GPC6: variants seen among roughly 807,000 people sequenced by gnomAD.
GPC6 encodes the protein glypican 6, also known as glypican-6.
GPC6 carries 14 observed loss-of-function variants against 55.2 expected under a neutral mutation model. The ratio of observed to expected loss-of-function variants is 0.25; its 90% CI spans 0.17 to 0.40. GPC6 has a LOEUF of 0.40. Among genes scored for constraint, GPC6 ranks in the 10% least tolerant of loss-of-function variants. GPC6 has a pLI of 1.00. For synonymous variants in GPC6, 278 were observed against 259.6 expected (o/e 1.07, Z -0.68); for missense variants, 641 against 708.5 (o/e 0.90, Z 1.08).
At chr13:94,104,537 T>C (rs1885983250) in intron 4 of GPC6, among the ~76,000 whole-genome samples, 1 of 152,196 alleles carries the variant, frequency 6.6e-6, no homozygotes, top group African/African-American at 2.4e-5. Context: ...TTGTCCCTGT[T>C]TGCAGATGAC....
In GPC6 at chr13:94,371,329, A is replaced by G. The variant is rs370291613; in HGVS notation, c.1153-11085A>G. ...TTGAATCTCTTGCACACCCCCAGAG[A>G]TGCACACACACTCCTGTCACCAACC... On this transcript the variant is annotated intron_variant, in intron 6 of 8. Coordinates refer to ENST00000377047, the MANE Select transcript of GPC6 (RefSeq NM_005708.5). Among the ~76,000 whole-genome samples, 5 of 152,292 alleles carry G rather than the reference A, an allele frequency of 3.3e-5. No homozygotes were observed. The East Asian group carries it at 9.6e-4, about 29-fold the overall frequency.
chr13:93,520,619 T>G (rs116558452), intron 1 of GPC6, among the ~76,000 whole-genome samples: 2,012 of 152,056 alleles, frequency 0.013, 41 homozygotes, highest in African/African-American at 0.04. Flanking sequence ...ATAATTAACA[T>G]GTAAAGATTC....
intron 1 of GPC6, among the ~76,000 whole-genome samples, chr13:93,500,212 A>T (rs1880470018): frequency 6.6e-6 from 1 of 152,206 alleles, no homozygotes; most frequent in Non-Finnish European, 1.5e-5. Flanking sequence ...TGGAAACAGG[A>T]AATCTTAAGT....
At chr13:93,338,902 G>T (rs143429207) in intron 1 of GPC6, among the ~76,000 whole-genome samples, 1 of 152,110 alleles carries the variant, frequency 6.6e-6, no homozygotes, top group African/African-American at 2.4e-5. Flanking sequence ...ATGTGGAGGT[G>T]GTGTTGACAG....
At chr13:94,071,224 T>C (rs1315715981) in intron 4 of GPC6, among the ~76,000 whole-genome samples, 1 of 152,204 alleles carries the variant, frequency 6.6e-6, no homozygotes, top group South Asian at 2.1e-4. Context: ...TAACTCAGTT[T>C]TGAAATTTCA....
chr13:94,355,900 A>G (rs1240286624), intron 6 of GPC6, among the ~76,000 whole-genome samples: 1 of 152,154 alleles, frequency 6.6e-6, no homozygotes, highest in Non-Finnish European at 1.5e-5. Flanking sequence ...TAAACCCCGC[A>G]TGCATTAGCT....
chr13:94,050,456 A>G (rs945691459), intron 4 of GPC6, among the ~76,000 whole-genome samples: 6 of 152,184 alleles, frequency 3.9e-5, no homozygotes, highest in African/African-American at 1.4e-4. Context: ...ATTACTCAAC[A>G]TCATTATAAT....
chr13:94,089,894 G>C (rs1885420413), intron 4 of GPC6, among the ~76,000 whole-genome samples: 1 of 151,946 alleles, frequency 6.6e-6, no homozygotes, highest in African/African-American at 2.4e-5. Flanking sequence ...TGACTGTGTT[G>C]AAAAAAATAG....
At chr13:93,718,191 C>T (rs9516274) in intron 2 of GPC6, among the ~76,000 whole-genome samples, 35,417 of 151,800 alleles carry the variant, frequency 0.23, 5,346 homozygotes, top group East Asian at 0.47. Context: ...GCCACACTAT[C>T]TTCCACAATG....
At chr13:93,652,769 GT>G (rs1428118038) in intron 2 of GPC6, among the ~76,000 whole-genome samples, 1 of 152,106 alleles carries the variant, frequency 6.6e-6, no homozygotes, top group African/African-American at 2.4e-5. Flanking sequence ...ATAAATAAAT[GT>G]TTAACAAAAT....
At chr13:93,994,808 G>A (rs1881465486) in intron 3 of GPC6, among the ~76,000 whole-genome samples, 1 of 152,082 alleles carries the variant, frequency 6.6e-6, no homozygotes, top group Admixed American at 6.6e-5. Context: ...TTTTTAAATG[G>A]GCACACTTAT....
At chr13:93,364,431 G>A (rs889464904) in intron 1 of GPC6, among the ~76,000 whole-genome samples, 7 of 151,960 alleles carry the variant, frequency 4.6e-5, no homozygotes, top group African/African-American at 1.5e-4. Flanking sequence ...CAACGTTAGT[G>A]TTTTCACCTT....
intron 4 of GPC6, among the ~76,000 whole-genome samples, chr13:94,222,424 C>G (rs1223580805): frequency 6.6e-6 from 1 of 152,064 alleles, no homozygotes; most frequent in African/African-American, 2.4e-5. Flanking sequence ...GAGAACATGT[C>G]ACTAATCCTA....
rs370402561 is a variant in GPC6 at position 93,539,479 on chromosome 13, A to G, written c.161-5784A>G. On this transcript the variant is annotated intron_variant, in intron 1 of 8. Coordinates refer to ENST00000377047, the MANE Select transcript of GPC6 (RefSeq NM_005708.5). ...TCTCGGAAAGAATTTATTATAGGAT[A>G]TGGGTTTTGGTTGTGTGTTTTAGGG... Among the ~76,000 whole-genome samples the G allele has an allele frequency of 1.7e-4, 26 of 152,134 alleles. 1 individual carries two copies. The highest frequency in any genetic ancestry group is 5.8e-4 in the African/African-American group (24 of 41,442).
chr13:94,052,695 C>T (rs542032050), intron 4 of GPC6, among the ~76,000 whole-genome samples: 28 of 152,220 alleles, frequency 1.8e-4, no homozygotes, highest in African/African-American at 6.5e-4. Flanking sequence ...TTTCATTTTT[C>T]CCCTTAGTGT....
At chr13:93,438,677 A>AG (rs1877663968) in intron 1 of GPC6, among the ~76,000 whole-genome samples, 1 of 152,202 alleles carries the variant, frequency 6.6e-6, no homozygotes, top group Non-Finnish European at 1.5e-5. Context: ...GATGGAATCT[A>AG]CTTCTATTGA....
At chr13:93,298,919 T>G (rs1031645342) in intron 1 of GPC6, among the ~76,000 whole-genome samples, 1 of 151,656 alleles carries the variant, frequency 6.6e-6, no homozygotes, top group African/African-American at 2.4e-5. Context: ...TTTTTTGGAA[T>G]TAGTCACATG....
intron 4 of GPC6, among the ~76,000 whole-genome samples, chr13:94,030,820 A>G (rs1314291385): frequency 1.3e-5 from 2 of 152,212 alleles, no homozygotes; most frequent in African/African-American, 4.8e-5. Flanking sequence ...GACCGTCAAT[A>G]AAAACAAGAG....
chr13:94,386,162 A>T (rs536888589), intron 7 of GPC6, among the ~76,000 whole-genome samples: 1 of 152,162 alleles, frequency 6.6e-6, no homozygotes, highest in Admixed American at 6.5e-5. Context: ...GATCGAGACC[A>T]TCCTGGCTAA....
Sources: gnomAD v4.1 joint callset for allele counts (sites outside exome capture counted in the v4.1 genomes callset) on GRCh38, gnomAD v4.1.1 for gene constraint, MANE v1.5 for transcripts, NCBI Gene and HGNC (gene_info 2026-07-23, HGNC 2026-07-21) for gene names.